The following PLIN3 variants were observed in gnomAD, a reference collection of about 807,000 sequenced individuals.
PLIN3 encodes perilipin-3.
Under a neutral mutation model 35.9 loss-of-function variants are expected in PLIN3, and 30 were observed. The ratio of observed to expected loss-of-function variants is 0.84; its 90% CI spans 0.62 to 1.13. The LOEUF is 1.13. Ranked by LOEUF, PLIN3 falls within the 50% of genes most tolerant of loss-of-function variation. The pLI, the probability that PLIN3 is intolerant of heterozygous loss-of-function variation, is 0.00. For missense variants in PLIN3, 603 were observed against 596.9 expected (o/e 1.01, Z -0.11); for synonymous variants, 261 against 262.5 (o/e 0.99, Z 0.06).
At chr19:4,855,383 G>A (rs993072114) in intron 4 of PLIN3, among the ~76,000 whole-genome samples, 1 of 152,054 alleles carries the variant, frequency 6.6e-6, no homozygotes, top group African/African-American at 2.4e-5. Flanking sequence ...GGAGAGAAAG[G>A]GAAGCAAGGG....
intron 2 of PLIN3, 88 bp downstream of exon 2, chr19:4,861,241 G>T: frequency 8.9e-7 from 1 of 1,127,742 alleles, no homozygotes; most frequent in Non-Finnish European, 1.3e-6. Context: ...CAGATCCCTG[G>T]CTCCCTGCCA....
chr19:4,861,211 C>G, intron 2 of PLIN3, 118 bp downstream of exon 2: 2 of 833,408 alleles, frequency 2.4e-6, no homozygotes, highest in Non-Finnish European at 4.0e-6. Flanking sequence ...ATAAATCCCT[C>G]TGGCTCCGTG....
intron 5 of PLIN3, among the ~76,000 whole-genome samples, 157 bp from the exon 6 acceptor site, chr19:4,848,047 C>T (rs916614351): frequency 6.6e-6 from 1 of 151,982 alleles, no homozygotes; most frequent in African/African-American, 2.4e-5. Flanking sequence ...GCAGTGGTGT[C>T]ATCTCGGCTC....
chr19:4,841,292 G>A (rs1415961991), intron 7 of PLIN3, among the ~76,000 whole-genome samples: 1 of 152,132 alleles, frequency 6.6e-6, no homozygotes, highest in Non-Finnish European at 1.5e-5. Context: ...GAACGTCATG[G>A]GGCTCTGACC....
chr19:4,853,582 C>T (rs1171781709), intron 4 of PLIN3, among the ~76,000 whole-genome samples: 1 of 152,078 alleles, frequency 6.6e-6, no homozygotes, highest in East Asian at 1.9e-4. Context: ...GCCTGGGCCT[C>T]CCAAAGTGCT....
intron 1 of PLIN3, among the ~76,000 whole-genome samples, chr19:4,863,894 A>C (rs2030757053): frequency 6.6e-6 from 1 of 151,984 alleles, no homozygotes; most frequent in African/African-American, 2.4e-5. Flanking sequence ...TGACATGAAC[A>C]AAGATCTAGT....
chr19:4,851,119 G>A lies in PLIN3; in HGVS notation c.634+897C>T, dbSNP rs148895843. ...TTGGAGGCTGCATTGAGCTATGATC[G>A]CACCACTGCACTTCAGCCTGGGCAA... On this transcript the variant is annotated intron_variant, in intron 5 of 7. Coordinates refer to ENST00000221957, the MANE Select transcript of PLIN3 (RefSeq NM_005817.5). Among the ~76,000 whole-genome samples, 906 of 152,074 alleles carry A rather than the reference G, an allele frequency of 6.0e-3. 11 individuals are homozygous for A. The highest frequency in any genetic ancestry group is 0.034 in the South Asian group (164 of 4,816).
At chr19:4,866,954 G>A (rs182025459) in intron 1 of PLIN3, 407 of 152,580 alleles carry the variant, frequency 2.7e-3, no homozygotes, top group Non-Finnish European at 4.7e-3. Flanking sequence ...GCTAAGACTG[G>A]ACTTCCAAAA....
intron 4 of PLIN3, among the ~76,000 whole-genome samples, chr19:4,853,243 C>T (rs1488360032): frequency 3.3e-5 from 5 of 152,212 alleles, no homozygotes. Context: ...AAGTGAGCCT[C>T]CCACCTCAGC....
rs145844956 is a variant in PLIN3, at chr19:4,860,495, A to G, written c.67-471T>C. ...TGGGATTACAGGCGTGAGCCACCGC[A>G]CTCAGCCCACGTGCTTCCTTGAACA... On this transcript the variant is annotated intron_variant, in intron 2 of 7. Coordinates refer to ENST00000221957, the MANE Select transcript of PLIN3 (RefSeq NM_005817.5). 1.2e-3 allele frequency among the ~76,000 whole-genome samples: 176 copies of G among 151,526 alleles called. 1 individual carries two copies. The highest frequency in any genetic ancestry group is 3.7e-3 in the African/African-American group (151 of 41,350).
At position 4,843,135 on chromosome 19, in the gene PLIN3, C is replaced by T. The variant is rs564105421; in HGVS notation, c.960+1533G>A. On this transcript the variant is annotated intron_variant, in intron 7 of 7. Coordinates refer to ENST00000221957, the MANE Select transcript of PLIN3 (RefSeq NM_005817.5). ...TACTGGGGAGGTGGAGACAGGAGAA[C>T]CACTTGAACCCAGGAGGCAGAGGTT... 4.6e-5 allele frequency among the ~76,000 whole-genome samples: 7 copies of T among 151,906 alleles called. No homozygotes were observed. The South Asian group carries it at 1.5e-3, about 32-fold the overall frequency.
At chr19:4,843,079 G>A (rs575819309) in intron 7 of PLIN3, among the ~76,000 whole-genome samples, 20 of 151,874 alleles carry the variant, frequency 1.3e-4, no homozygotes, top group Admixed American at 7.2e-4. Context: ...AAAATTAGCC[G>A]GGCGTGGTGA....
intron 4 of PLIN3, 89 bp from the exon 5 acceptor site, chr19:4,852,390 CG>C (rs2030330773): frequency 2.0e-6 from 3 of 1,474,238 alleles, no homozygotes; most frequent in Non-Finnish European, 2.7e-6. Context: ...GAGACCGAGG[CG>C]GGGAGCGCCA....
chr19:4,862,185 C>A (rs1261796253), intron 1 of PLIN3, among the ~76,000 whole-genome samples: 1 of 148,890 alleles, frequency 6.7e-6, no homozygotes, highest in Non-Finnish European at 1.5e-5. Context: ...GGCTGGAGTG[C>A]AGTGGCACGA....
At chr19:4,852,659 G>C (rs1174907030) in intron 4 of PLIN3, among the ~76,000 whole-genome samples, 1 of 150,680 alleles carries the variant, frequency 6.6e-6, no homozygotes, top group Non-Finnish European at 1.5e-5. Context: ...TTTTTTTTTG[G>C]AGACAGGGTC....
intron 4 of PLIN3, among the ~76,000 whole-genome samples, chr19:4,854,647 T>C (rs1348384600): frequency 6.6e-6 from 1 of 152,050 alleles, no homozygotes; most frequent in Non-Finnish European, 1.5e-5. Flanking sequence ...AGAGTCAGGT[T>C]CTAACAGCCC....
chr19:4,865,880 C>T (rs1187646107), intron 1 of PLIN3, among the ~76,000 whole-genome samples: 5 of 151,678 alleles, frequency 3.3e-5, no homozygotes, highest in Admixed American at 2.6e-4. Context: ...CCCGCCACCA[C>T]GCCTGGCTAA....
chr19:4,862,114 T>C (rs961179399), intron 1 of PLIN3, among the ~76,000 whole-genome samples: 1 of 150,192 alleles, frequency 6.7e-6, no homozygotes, highest in Admixed American at 6.7e-5. Flanking sequence ...AATTTTTTCT[T>C]TTTGGGTAGA....
At chr19:4,851,325 G>A (rs1052429077) in intron 5 of PLIN3, among the ~76,000 whole-genome samples, 1 of 152,020 alleles carries the variant, frequency 6.6e-6, no homozygotes, top group Admixed American at 6.6e-5. Context: ...AATTAGCTGT[G>A]TGGTGGCAGG....
Sources: gnomAD v4.1 joint callset for allele counts (sites outside exome capture counted in the v4.1 genomes callset) on GRCh38, gnomAD v4.1.1 for gene constraint, MANE v1.5 for transcripts, NCBI Gene and HGNC (gene_info 2026-07-23, HGNC 2026-07-21) for gene names.